CYFIP2: variants seen among roughly 807,000 people sequenced by gnomAD.
The protein encoded by CYFIP2 is cytoplasmic FMR1-interacting protein 2.
Under a neutral mutation model 158.7 loss-of-function variants are expected in CYFIP2, and 29 were observed. That is an observed-to-expected ratio of 0.18 (90% CI 0.14 to 0.25). The LOEUF (loss-of-function observed/expected upper bound fraction) is 0.25, where lower values mean the gene tolerates loss of function less well. CYFIP2 is among the 10% of genes least tolerant of loss of function. CYFIP2 has a pLI of 1.00. For synonymous variants in CYFIP2, 585 were observed against 617.6 expected (o/e 0.95, Z 0.78); for missense variants, 852 against 1,639.5 (o/e 0.52, Z 8.29).
chr5:157,366,114 CAT>C (rs1764348014), intron 26 of CYFIP2, among the ~76,000 whole-genome samples: 1 of 152,188 alleles, frequency 6.6e-6, no homozygotes, highest in Non-Finnish European at 1.5e-5. Context: ...TTTGCAGCCT[CAT>C]AAACAATTTG....
chr5:157,353,235 A>G (rs1763190957), intron 23 of CYFIP2, among the ~76,000 whole-genome samples: 1 of 152,252 alleles, frequency 6.6e-6, no homozygotes, highest in African/African-American at 2.4e-5. Flanking sequence ...GTGTGTCATC[A>G]CATGAGTACT....
intron 16 of CYFIP2, among the ~76,000 whole-genome samples, 195 bp downstream of exon 16, chr5:157,324,269 G>C (rs1472271129): frequency 6.6e-6 from 1 of 152,366 alleles, no homozygotes; most frequent in Admixed American, 6.5e-5. Context: ...CAACTCAGCT[G>C]TTCTGACTTA....
chr5:157,348,300 G>A (rs764341019), intron 23 of CYFIP2, among the ~76,000 whole-genome samples: 2 of 152,230 alleles, frequency 1.3e-5, no homozygotes, highest in Non-Finnish European at 2.9e-5. Context: ...AGGCTGGAGT[G>A]CAGTGGCACA....
chr5:157,330,701 C>CA, intron 19 of CYFIP2, 41 bp from the exon 20 acceptor site: 1 of 1,525,124 alleles, frequency 6.6e-7, no homozygotes, highest in Non-Finnish European at 9.1e-7. Flanking sequence ...GAGTCATTCA[C>CA]AATCTGTTTA....
chr5:157,321,183 C>T (rs1391206762), intron 15 of CYFIP2, among the ~76,000 whole-genome samples: 1 of 152,212 alleles, frequency 6.6e-6, no homozygotes, highest in African/African-American at 2.4e-5. Flanking sequence ...TATCTGCATG[C>T]ATCTATGCTG....
chr5:157,295,449 C>T (rs565472030), intron 4 of CYFIP2, among the ~76,000 whole-genome samples: 3 of 152,344 alleles, frequency 2.0e-5, no homozygotes, highest in African/African-American at 7.2e-5. Context: ...CAGCAAGCCA[C>T]AGGTGTGTAA....
At position 157,373,387 on chromosome 5, in the gene CYFIP2, C is replaced by A. The variant is rs534948460; in HGVS notation, c.3040-9203C>A. Reference sequence around the variant, plus strand: ...AAGGGCACCAAGAACACCCCTTCAGCCCCCCAGAAAGAGCACTGCCACTTT... The same window carrying A: ...AAGGGCACCAAGAACACCCCTTCAGACCCCCAGAAAGAGCACTGCCACTTT... On this transcript the variant is annotated intron_variant, in intron 26 of 30. Transcript: ENST00000620254. Among the ~76,000 whole-genome samples the A allele has an allele frequency of 2.0e-3, 301 of 152,228 alleles. 1 individual carries two copies. Among genetic ancestry groups the A allele is most frequent in the African/African-American group, 6.6e-3 (275 of 41,536 alleles).
At chr5:157,388,008 T>C (rs1766869907) in intron 28 of CYFIP2, among the ~76,000 whole-genome samples, 1 of 152,168 alleles carries the variant, frequency 6.6e-6, no homozygotes, top group South Asian at 2.1e-4. Flanking sequence ...GGGAGTGAGC[T>C]TCCGGGGTAG....
intron 26 of CYFIP2, among the ~76,000 whole-genome samples, chr5:157,370,941 A>C (rs1764937981): frequency 6.6e-6 from 1 of 152,252 alleles, no homozygotes; most frequent in Non-Finnish European, 1.5e-5. Flanking sequence ...GATCACACAC[A>C]GAATCAGGTA....
At chr5:157,276,702 T>C (rs1415566320) in intron 1 of CYFIP2, among the ~76,000 whole-genome samples, 2 of 152,180 alleles carry the variant, frequency 1.3e-5, no homozygotes, top group East Asian at 1.9e-4. Flanking sequence ...CAACTAGGTA[T>C]TGGCAGAGGT....
At chr5:157,379,129 T>A (rs549319731) in intron 26 of CYFIP2, among the ~76,000 whole-genome samples, 37 of 152,274 alleles carry the variant, frequency 2.4e-4, no homozygotes, top group African/African-American at 8.7e-4. Flanking sequence ...CTTTAGACAA[T>A]ACTTACTGAC....
At chr5:157,307,570 G>A (rs1413388522) in intron 8 of CYFIP2, among the ~76,000 whole-genome samples, 191 bp from the exon 9 acceptor site, 2 of 151,798 alleles carry the variant, frequency 1.3e-5, no homozygotes, top group Non-Finnish European at 2.9e-5. Flanking sequence ...GTTGAAATTA[G>A]ACTTACATTT....
chr5:157,303,062 C>G, intron 7 of CYFIP2, 172 bp downstream of exon 7: 1 of 570,314 alleles, frequency 1.8e-6, no homozygotes, highest in South Asian at 2.2e-5. Flanking sequence ...TCCTCCCAAC[C>G]CCAGGTGGCC....
intron 23 of CYFIP2, among the ~76,000 whole-genome samples, chr5:157,345,082 A>G (rs1011947948): frequency 6.6e-6 from 1 of 152,256 alleles, no homozygotes; most frequent in Non-Finnish European, 1.5e-5. Context: ...CTTCCAGGGA[A>G]GGTCATCATG....
At chr5:157,382,494 G>T (rs929946025) in intron 26 of CYFIP2, 96 bp from the exon 27 acceptor site, 1 of 1,305,018 alleles carries the variant, frequency 7.7e-7, no homozygotes, top group Non-Finnish European at 1.1e-6. Context: ...TTGAACCCAG[G>T]TCTAGCTAAC....
chr5:157,298,103 C>T (rs556146076), intron 5 of CYFIP2, among the ~76,000 whole-genome samples: 1 of 152,152 alleles, frequency 6.6e-6, no homozygotes, highest in Non-Finnish European at 1.5e-5. Flanking sequence ...TTCTCCTCCC[C>T]CTTCCTTCCC....
chr5:157,315,040 T>C lies in CYFIP2; in HGVS notation c.1302T>C (p.Tyr434=). 1 of 1,612,314 alleles carries C rather than the reference T, an allele frequency of 6.2e-7. No individual in the cohort carries two copies. Among genetic ancestry groups the C allele is most frequent in the Non-Finnish European group, 8.5e-7 (1 of 1,179,188 alleles). Residue 434 remains tyrosine, a synonymous_variant, in exon 13 of 31, where the codon TAT becomes TAC. Transcript: ENST00000620254. ...NKDCPGTAEE[Y]ERATRYNYTS... ...ACTGTCCTGGCACCGCGGAGGAATA[T>C]GAGAGAGCCACACGCTACAATTACA...
At chr5:157,362,106 TATAGTC>T (rs1375722218) in intron 26 of CYFIP2, among the ~76,000 whole-genome samples, 3 of 152,254 alleles carry the variant, frequency 2.0e-5, no homozygotes, top group African/African-American at 7.2e-5. Flanking sequence ...GGTGGGGGCT[TATAGTC>T]ATAGGTAGAT....
chr5:157,295,517 A>G (rs1758183046), intron 4 of CYFIP2, among the ~76,000 whole-genome samples: 4 of 152,208 alleles, frequency 2.6e-5, no homozygotes, highest in Admixed American at 2.6e-4. Context: ...AACTACTATT[A>G]ACAATTTGGT....
Sources: allele counts gnomAD v4.1 joint callset (sites outside exome capture counted in the v4.1 genomes callset), GRCh38; gene constraint gnomAD v4.1.1; transcripts MANE v1.5; gene names NCBI Gene and HGNC (gene_info 2026-07-23, HGNC 2026-07-21).